PRKG1: variants seen among roughly 807,000 people sequenced by gnomAD.
PRKG1 encodes the protein protein kinase cGMP-dependent 1.
A neutral mutation model predicts 88.1 loss-of-function variants in PRKG1; 35 were observed. The observed-to-expected ratio is 0.40, with a 90% CI of 0.30 to 0.53. The LOEUF (loss-of-function observed/expected upper bound fraction) is 0.53, where lower values mean the gene tolerates loss of function less well. Among genes scored for constraint, PRKG1 ranks in the 20% least tolerant of loss-of-function variants. PRKG1 has a pLI of 0.59. For synonymous variants in PRKG1, 303 were observed against 292.5 expected (o/e 1.04, Z -0.37); for missense variants, 540 against 839.8 (o/e 0.64, Z 4.41).
chr10:51,876,325 A>C (rs1841298913), intron 4 of PRKG1, among the ~76,000 whole-genome samples: 1 of 152,186 alleles, frequency 6.6e-6, no homozygotes, highest in Admixed American at 6.5e-5. Flanking sequence ...TAGAGGAAAT[A>C]TTTTGGTTTA....
intron 2 of PRKG1, among the ~76,000 whole-genome samples, chr10:51,200,716 A>G (rs922663775): frequency 6.6e-6 from 1 of 152,204 alleles, no homozygotes; most frequent in African/African-American, 2.4e-5. Context: ...TATTTTAACC[A>G]TTTTTATTAG....
At chr10:51,793,962 C>T (rs1411510783) in intron 3 of PRKG1, among the ~76,000 whole-genome samples, 2 of 152,046 alleles carry the variant, frequency 1.3e-5, no homozygotes, top group African/African-American at 4.8e-5. Flanking sequence ...CAGGATTTCA[C>T]CATATTGGCC....
intron 2 of PRKG1, among the ~76,000 whole-genome samples, chr10:51,396,400 A>T (rs1404352197): frequency 2.6e-5 from 4 of 152,188 alleles, no homozygotes; most frequent in Non-Finnish European, 5.9e-5. Context: ...TCACTGAAAA[A>T]AAAAAAGAGA....
intron 4 of PRKG1, among the ~76,000 whole-genome samples, chr10:51,814,103 C>A (rs1839525555): frequency 6.6e-6 from 1 of 152,128 alleles, no homozygotes; most frequent in Non-Finnish European, 1.5e-5. Flanking sequence ...TCTTTTTTAA[C>A]CTCCTGCCTT....
intron 4 of PRKG1, among the ~76,000 whole-genome samples, chr10:51,847,354 G>T (rs1377281129): frequency 6.6e-6 from 1 of 152,030 alleles, no homozygotes; most frequent in East Asian, 1.9e-4. Flanking sequence ...AAAATAATAA[G>T]TTTTCTTGTT....
rs879533254 is a variant in PRKG1 at position 52,298,087 on chromosome 10, G to T, written c.*4187G>T. The T allele has an allele frequency of 6.6e-6, 1 of 151,794 alleles. No homozygotes were observed. Among genetic ancestry groups the T allele is most frequent in the Non-Finnish European group, 1.5e-5 (1 of 67,932 alleles). 9.4% of individuals were successfully genotyped at this position (151,794 alleles called of 1,614,324 possible). The stretch of plus-strand genomic sequence containing the variant: ...TTCAATGTATGATGTTTTTACAACT[G>T]GTCAGTTCTTTTGTATTCTTACAGC... On this transcript the variant is annotated 3_prime_UTR_variant, in exon 18 of 18. Transcript: ENST00000373980.
intron 2 of PRKG1, among the ~76,000 whole-genome samples, chr10:51,182,711 T>C (rs1412357209): frequency 6.6e-6 from 1 of 152,124 alleles, no homozygotes; most frequent in South Asian, 2.1e-4. Context: ...AGTGGCAGAT[T>C]TGCATGCAAG....
rs188082357 is a variant in PRKG1, at chr10:52,075,333, G to A, written c.935+12702G>A. 1.2e-3 allele frequency among the ~76,000 whole-genome samples: 181 copies of A among 152,248 alleles called. 1 individual carries two copies. The highest frequency in any genetic ancestry group is 4.9e-4 in the Non-Finnish European group (33 of 68,026). Reference sequence around the variant, plus strand: ...ATTATTCTCCTAGATGGATCTATACGCTCACCGCAATCCCAATCAAAATGT... The same window carrying A: ...ATTATTCTCCTAGATGGATCTATACACTCACCGCAATCCCAATCAAAATGT... On this transcript the variant is annotated intron_variant, in intron 7 of 17. Coordinates refer to ENST00000373980, the MANE Select transcript of PRKG1 (RefSeq NM_006258.4).
At chr10:51,536,493 A>C (rs990814837) in intron 3 of PRKG1, among the ~76,000 whole-genome samples, 2 of 151,652 alleles carry the variant, frequency 1.3e-5, no homozygotes, top group Non-Finnish European at 2.9e-5. Context: ...TTGTCTCTTT[A>C]CTCTGTTGAT....
chr10:51,222,122 GC>G lies in PRKG1; in HGVS notation c.478+68801del, dbSNP rs747668688. ...GAACTTCTGGCCTCACGTGATCCGCGCCCCCCCCCGACCCCAGCCTCCCAAA... is the reference window on the plus strand; with the variant it reads ...GAACTTCTGGCCTCACGTGATCCGCGCCCCCCCCGACCCCAGCCTCCCAAA... On this transcript the variant is annotated intron_variant, in intron 2 of 17. Transcript: ENST00000373980. Among the ~76,000 whole-genome samples, 467 of 114,400 alleles carry G rather than the reference GC, an allele frequency of 4.1e-3. 3 individuals carry two copies. Among genetic ancestry groups the G allele is most frequent in the Non-Finnish European group, 5.4e-3 (328 of 60,244 alleles). The allele number at this position is 114,400 out of a possible 152,430, so 75.1% of individuals were successfully genotyped here. A position where few individuals can be genotyped will look rare whatever the true frequency, so the allele number is the denominator to read the frequency against.
chr10:51,728,092 C>CAGA (rs1842178432), intron 3 of PRKG1, among the ~76,000 whole-genome samples: 1 of 152,066 alleles, frequency 6.6e-6, no homozygotes, highest in Non-Finnish European at 1.5e-5. Context: ...GTCATGCGCA[C>CAGA]AGAAGATTTT....
chr10:51,240,795 A>G (rs1007159191), intron 2 of PRKG1, among the ~76,000 whole-genome samples: 5 of 152,184 alleles, frequency 3.3e-5, no homozygotes, highest in Non-Finnish European at 4.4e-5. Context: ...ACTTAAAGGA[A>G]TAAAAGGCTG....
chr10:51,155,788 C>CT (rs1351332448), intron 2 of PRKG1, among the ~76,000 whole-genome samples: 6 of 152,010 alleles, frequency 3.9e-5, no homozygotes, highest in African/African-American at 1.2e-4. Flanking sequence ...AAAGATGGGA[C>CT]TTTTTTCTAT....
At chr10:52,094,852 T>C (rs1847138419) in intron 7 of PRKG1, among the ~76,000 whole-genome samples, 1 of 152,128 alleles carries the variant, frequency 6.6e-6, no homozygotes, top group African/African-American at 2.4e-5. Flanking sequence ...CAAGACCCCA[T>C]CTCCAAAGAT....
intron 1 of PRKG1, among the ~76,000 whole-genome samples, chr10:51,019,434 G>T (rs1234751011): frequency 4.6e-5 from 7 of 152,062 alleles, no homozygotes; most frequent in Non-Finnish European, 7.4e-5. Context: ...AGGAAAATTG[G>T]ATATCCACAT....
chr10:51,660,972 A>C (rs1431612107), intron 3 of PRKG1, among the ~76,000 whole-genome samples: 3 of 152,110 alleles, frequency 2.0e-5, no homozygotes, highest in East Asian at 3.9e-4. Context: ...TTAAATTGGA[A>C]CATAAATCAC....
intron 3 of PRKG1, among the ~76,000 whole-genome samples, chr10:51,677,315 G>C (rs1334578725): frequency 6.6e-6 from 1 of 152,004 alleles, no homozygotes; most frequent in Non-Finnish European, 1.5e-5. Context: ...GGACACTTTT[G>C]TACCTTTCTT....
At chr10:51,275,849 G>A (rs1840101875) in intron 2 of PRKG1, among the ~76,000 whole-genome samples, 1 of 152,086 alleles carries the variant, frequency 6.6e-6, no homozygotes, top group Admixed American at 6.6e-5. Context: ...TAAAGAAAAG[G>A]CAAGTAAAAG....
intron 7 of PRKG1, among the ~76,000 whole-genome samples, chr10:52,119,930 C>T (rs1022979821): frequency 5.6e-5 from 8 of 142,812 alleles, no homozygotes; most frequent in East Asian, 4.1e-4. Flanking sequence ...AGGGAAAGAG[C>T]GAGACAGAGA....
Sources: allele counts gnomAD v4.1 joint callset (sites outside exome capture counted in the v4.1 genomes callset), GRCh38; gene constraint gnomAD v4.1.1; transcripts MANE v1.5; gene names NCBI Gene and HGNC (gene_info 2026-07-23, HGNC 2026-07-21).